The following HSD17B12 variants were observed in gnomAD, a reference collection of about 807,000 sequenced individuals.
HSD17B12 encodes the protein very-long-chain 3-oxoacyl-CoA reductase.
Under a neutral mutation model 39.3 loss-of-function variants are expected in HSD17B12, and 32 were observed. That is an observed-to-expected ratio of 0.81 (90% CI 0.61 to 1.09). The LOEUF is 1.09. HSD17B12 is among the 50% of genes least tolerant of loss of function. The pLI, the probability that HSD17B12 is intolerant of heterozygous loss-of-function variation, is 0.00. For synonymous variants in HSD17B12, 150 were observed against 146.7 expected, an observed-to-expected ratio of 1.02 and a Z score of -0.16; for missense variants, 342 against 382.9, an observed-to-expected ratio of 0.89 and a Z score of 0.89.
At chr11:43,603,783 C>T in the HSD17B12 span, among the ~76,000 whole-genome samples, 1 of 152,160 alleles carries the variant, frequency 6.6e-6, no homozygotes, top group Admixed American at 6.5e-5. Flanking sequence ...TTACATAAAA[C>T]TTTATTTTAA....
At chr11:43,705,857 G>T (rs1401909364) in intron 1 of HSD17B12, among the ~76,000 whole-genome samples, 2 of 144,696 alleles carry the variant, frequency 1.4e-5, no homozygotes, top group Admixed American at 7.3e-5. Context: ...CACCTCCCCG[G>T]CTCAAATAAT....
intron 3 of HSD17B12, among the ~76,000 whole-genome samples, chr11:43,755,917 G>A (rs908952795): frequency 2.0e-5 from 3 of 152,192 alleles, no homozygotes. Context: ...TGGCTGAGGA[G>A]GCCTCACAAT....
the HSD17B12 span, among the ~76,000 whole-genome samples, chr11:43,621,439 GCA>G: frequency 2.1e-4 from 32 of 152,122 alleles, no homozygotes; most frequent in African/African-American, 7.7e-4. Flanking sequence ...TTTCAGCTGG[GCA>G]CAGTGGCTCA....
the HSD17B12 span, among the ~76,000 whole-genome samples, chr11:43,631,553 G>GTC: frequency 4.0e-5 from 6 of 151,828 alleles, no homozygotes; most frequent in Non-Finnish European, 5.9e-5. Context: ...GTGTGTGTGT[G>GTC]TGTCTCTCTC....
At chr11:43,828,588 C>T (rs1304661369) in intron 6 of HSD17B12, among the ~76,000 whole-genome samples, 1 of 151,670 alleles carries the variant, frequency 6.6e-6, no homozygotes, top group Non-Finnish European at 1.5e-5. Flanking sequence ...GTTATGGTAA[C>T]CTTTTTTTAG....
chr11:43,740,011 G>C (rs1376210503), intron 1 of HSD17B12, among the ~76,000 whole-genome samples: 5 of 152,128 alleles, frequency 3.3e-5, no homozygotes, highest in Non-Finnish European at 5.9e-5. Flanking sequence ...GTAAGAACGG[G>C]ACCAGGCGAA....
At chr11:43,717,321 C>G (rs1950133135) in intron 1 of HSD17B12, among the ~76,000 whole-genome samples, 1 of 152,042 alleles carries the variant, frequency 6.6e-6, no homozygotes, top group African/African-American at 2.4e-5. Context: ...GGAATGAATC[C>G]TAGGCTATTA....
chr11:43,625,361 A>G, the HSD17B12 span, among the ~76,000 whole-genome samples: 1 of 151,674 alleles, frequency 6.6e-6, no homozygotes, highest in Admixed American at 6.6e-5. Context: ...GTGCTAAACT[A>G]ATAATATTGT....
chr11:43,636,388 T>A, the HSD17B12 span, among the ~76,000 whole-genome samples: 3 of 152,182 alleles, frequency 2.0e-5, no homozygotes, highest in Admixed American at 1.3e-4. Context: ...AGTTCTTGAT[T>A]CCTTGGAGTT....
chr11:43,571,993 T>C, the HSD17B12 span, among the ~76,000 whole-genome samples: 4 of 152,230 alleles, frequency 2.6e-5, no homozygotes, highest in African/African-American at 9.6e-5. Flanking sequence ...GATGCTAGTT[T>C]CTGAAGGAGC....
the HSD17B12 span, chr11:43,569,775 A>G: frequency 2.0e-5 from 3 of 152,776 alleles, no homozygotes; most frequent in South Asian, 6.2e-4. Context: ...AGGAGCGTCA[A>G]TGACCAAGAG....
chr11:43,687,437 G>A (rs1382726948), intron 1 of HSD17B12, among the ~76,000 whole-genome samples: 3 of 152,220 alleles, frequency 2.0e-5, no homozygotes, highest in Admixed American at 1.3e-4. Flanking sequence ...AGAACAGGAA[G>A]TATTTGGTCC....
chr11:43,854,567 G>A, intron 9 of HSD17B12, 148 bp from the exon 10 acceptor site: 2 of 780,262 alleles, frequency 2.6e-6, no homozygotes, highest in Non-Finnish European at 4.1e-6. Context: ...TATCAAGTTG[G>A]CTTTAGATAG....
chr11:43,721,635 G>A (rs1418527689), intron 1 of HSD17B12, among the ~76,000 whole-genome samples: 2 of 151,966 alleles, frequency 1.3e-5, no homozygotes, highest in Non-Finnish European at 2.9e-5. Context: ...GAAAAAGAAT[G>A]TTCCAGGCAG....
At chr11:43,752,866 A>G (rs1950477895) in intron 2 of HSD17B12, among the ~76,000 whole-genome samples, 1 of 152,144 alleles carries the variant, frequency 6.6e-6, no homozygotes, top group Non-Finnish European at 1.5e-5. Flanking sequence ...TAGTGGTGTT[A>G]TAACAGATTA....
chr11:43,724,899 T>C (rs961951417), intron 1 of HSD17B12, among the ~76,000 whole-genome samples: 23 of 152,168 alleles, frequency 1.5e-4, no homozygotes, highest in African/African-American at 5.3e-4. Flanking sequence ...CTTGAGAATA[T>C]AGTAATTTTT....
chr11:43,825,827 G>C (rs952442403), intron 6 of HSD17B12, among the ~76,000 whole-genome samples: 1 of 152,208 alleles, frequency 6.6e-6, no homozygotes. Flanking sequence ...CCAAAAATGA[G>C]AGAGTAGTTA....
At chr11:43,609,331 T>C in the HSD17B12 span, among the ~76,000 whole-genome samples, 2 of 148,242 alleles carry the variant, frequency 1.3e-5, no homozygotes, top group African/African-American at 4.9e-5. Context: ...TGATATAATT[T>C]TATAAAAATA....
the HSD17B12 span, chr11:43,578,899 A>G: frequency 6.6e-6 from 1 of 151,996 alleles, no homozygotes; most frequent in Non-Finnish European, 1.5e-5. Flanking sequence ...ACTGGATCCT[A>G]TTAAATAATT....
Sources: gnomAD v4.1 joint callset for allele counts (sites outside exome capture counted in the v4.1 genomes callset) on GRCh38, gnomAD v4.1.1 for gene constraint, MANE v1.5 for transcripts, NCBI Gene and HGNC (gene_info 2026-07-23, HGNC 2026-07-21) for gene names.